ANGEL1: variants seen among roughly 807,000 people sequenced by gnomAD.
ANGEL1 encodes RNA 2',3'-cyclic phosphatase ANGEL1.
ANGEL1 carries 62 observed loss-of-function variants against 76.4 expected under a neutral mutation model. The ratio of observed to expected loss-of-function variants is 0.81; its 90% CI spans 0.66 to 1.00. The LOEUF (loss-of-function observed/expected upper bound fraction) is 1.00. Ranked by LOEUF, ANGEL1 falls within the 50% of genes least tolerant of loss-of-function variation. ANGEL1 has a pLI of 0.00. For missense variants in ANGEL1, 737 were observed against 836.7 expected (o/e 0.88, Z 1.47); for synonymous variants, 340 against 331.7 (o/e 1.03, Z -0.27).
chr14:76,801,674 T>TACAC (rs1894768972), intron 7 of ANGEL1, among the ~76,000 whole-genome samples: 1 of 152,174 alleles, frequency 6.6e-6, no homozygotes, highest in Non-Finnish European at 1.5e-5. Flanking sequence ...CCTTACCTTG[T>TACAC]TTTCCACAGT....
chr14:76,801,351 A>G (rs1894759451), intron 7 of ANGEL1, among the ~76,000 whole-genome samples: 1 of 151,968 alleles, frequency 6.6e-6, no homozygotes, highest in Non-Finnish European at 1.5e-5. Context: ...GGCTCAAGCA[A>G]TCCTTCTGCC....
At chr14:76,803,699 T>C in intron 6 of ANGEL1, 87 bp downstream of exon 6, 1 of 1,517,428 alleles carries the variant, frequency 6.6e-7, no homozygotes, top group Non-Finnish European at 8.8e-7. Context: ...AAATGAGGGA[T>C]TACACTTTTT....
chr14:76,789,886 C>A (rs372702058), intron 9 of ANGEL1, among the ~76,000 whole-genome samples: 22 of 126,568 alleles, frequency 1.7e-4, no homozygotes, highest in African/African-American at 5.4e-4. Flanking sequence ...TTTTTTAAGA[C>A]GGAGTTTTAC....
At chr14:76,796,926 C>CCACA (rs59003912) in intron 7 of ANGEL1, among the ~76,000 whole-genome samples, 11 of 150,852 alleles carry the variant, frequency 7.3e-5, no homozygotes, top group African/African-American at 7.3e-5. Flanking sequence ...TTACAATATG[C>CCACA]CACACACACA....
chr14:76,803,746 C>T, intron 6 of ANGEL1, 40 bp downstream of exon 6: 1 of 1,568,578 alleles, frequency 6.4e-7, no homozygotes, highest in African/African-American at 1.4e-5. Flanking sequence ...CCAAAATGGG[C>T]ATGAAGACAC....
At position 76,789,393 on chromosome 14, in the gene ANGEL1, G is replaced by C; in HGVS notation, c.1853-5C>G. ...CATCTCGATACAGCCTGTGATCTGGGGCACAAAGCAGAAGCCAATGGGTAA... is the reference window on the plus strand; with the variant it reads ...CATCTCGATACAGCCTGTGATCTGGCGCACAAAGCAGAAGCCAATGGGTAA... On this transcript the variant is annotated splice_region_variant and splice_polypyrimidine_tract_variant and intron_variant, in intron 9 of 9. Coordinates refer to ENST00000251089, the MANE Select transcript of ANGEL1 (RefSeq NM_015305.4). The C allele has an allele frequency of 1.2e-6, 2 of 1,614,074 alleles. No individual in the cohort carries two copies. Among genetic ancestry groups the C allele is most frequent in the South Asian group, 2.2e-5 (2 of 91,066 alleles).
intron 2 of ANGEL1, among the ~76,000 whole-genome samples, chr14:76,808,774 G>A (rs1374920502): frequency 6.6e-6 from 1 of 152,146 alleles, no homozygotes; most frequent in Non-Finnish European, 1.5e-5. Flanking sequence ...AAATGACATT[G>A]TGGAGAATCA....
chr14:76,804,190 T>G, intron 5 of ANGEL1: 1 of 1,410,138 alleles, frequency 7.1e-7, no homozygotes, highest in Non-Finnish European at 9.2e-7. Context: ...GTTCCCTAAA[T>G]TTTACCTCTG....
At position 76,791,225 on chromosome 14, in the gene ANGEL1, A is replaced by T; in HGVS notation, c.1688+72T>A. 3.3e-6 allele frequency: 5 copies of T among 1,533,450 alleles called. No homozygotes were observed. The South Asian group carries it at 5.7e-5, about 17-fold the overall frequency. 95.0% of individuals were successfully genotyped at this position (1,533,450 alleles called of 1,614,324 possible). A position where few individuals can be genotyped will look rare whatever the true frequency, so the allele number is the denominator to read the frequency against. ...GCTCCCCCAAGTCAACCTCAGGACA[A>T]CCAATGGGAATCTCTCTCTTACACC... is the stretch of plus-strand genomic sequence containing the variant. On this transcript the variant is annotated intron_variant, in intron 8 of 9. Coordinates refer to ENST00000251089, the MANE Select transcript of ANGEL1 (RefSeq NM_015305.4).
At position 76,806,686 on chromosome 14, in the gene ANGEL1, C is replaced by G. The variant is rs764067199; in HGVS notation, c.1110G>C (p.Leu370=). The G allele has an allele frequency of 6.2e-7, 1 of 1,613,638 alleles. No individual in the cohort carries two copies. Among genetic ancestry groups the G allele is most frequent in the South Asian group, 1.1e-5 (1 of 91,064 alleles). ...CCAGGCCTTCTGGGACGAGTGGTTG[C>G]AGTAGCAACACTAAGCCCACATTAT... is the stretch of plus-strand genomic sequence containing the variant. The part of the protein sequence containing the change: ...NRDNVGLVLL[L]QPLVPEGLGQ... The change falls in exon 5 of 10, where the codon CTG becomes CTC. Residue 370 remains leucine, a synonymous_variant. Coordinates refer to ENST00000251089, the MANE Select transcript of ANGEL1 (RefSeq NM_015305.4).
At chr14:76,810,389 G>A (rs747348727) in intron 1 of ANGEL1, 13 of 200,022 alleles carry the variant, frequency 6.5e-5, no homozygotes, top group Non-Finnish European at 1.1e-4. Context: ...CTGCACTCCC[G>A]CCTGGGAGAC....
intron 7 of ANGEL1, among the ~76,000 whole-genome samples, chr14:76,799,258 T>C (rs1167700984): frequency 6.7e-6 from 1 of 148,720 alleles, no homozygotes; most frequent in Non-Finnish European, 1.5e-5. Context: ...AAGATCTCGT[T>C]GTACTCCATT....
intron 7 of ANGEL1, among the ~76,000 whole-genome samples, chr14:76,802,856 T>A (rs527525556): frequency 1.4e-4 from 21 of 152,362 alleles, no homozygotes; most frequent in African/African-American, 4.3e-4. Context: ...GTGTCAGATA[T>A]CTTCAAATTT....
chr14:76,812,817 G>T lies in ANGEL1; in HGVS notation c.11C>A (p.Ser4Ter), dbSNP rs760919674. 19 of 1,516,696 alleles carry T rather than the reference G, an allele frequency of 1.3e-5. No homozygotes were observed. Among genetic ancestry groups the T allele is most frequent in the African/African-American group, 2.9e-5 (2 of 69,998 alleles). The allele number at this position is 1,516,696 out of a possible 1,614,324, so 94.0% of individuals were successfully genotyped here. A position where few individuals can be genotyped will look rare whatever the true frequency, so the allele number is the denominator to read the frequency against. ...CGGCAGCAGCAGGTAACACAAGCACGACGCGATCATGGCCGGCCGCCCGCG... is the reference window on the plus strand; with the variant it reads ...CGGCAGCAGCAGGTAACACAAGCACTACGCGATCATGGCCGGCCGCCCGCG... MIA[S>*]CLCYLLLPAT... The change falls in exon 1 of 10, where the codon TCG becomes TAG. Residue 4 changes from serine (S) to a stop codon, truncating the protein, a stop_gained. Coordinates refer to ENST00000251089, the MANE Select transcript of ANGEL1 (RefSeq NM_015305.4). LOFTEE classifies it high-confidence loss of function.
chr14:76,799,883 G>A (rs1271041626), intron 7 of ANGEL1, among the ~76,000 whole-genome samples: 1 of 150,226 alleles, frequency 6.7e-6, no homozygotes, highest in Middle Eastern at 3.2e-3. Context: ...TCCAGCCTGG[G>A]TGAAACAGTG....
At chr14:76,794,966 T>A (rs1566696625) in intron 7 of ANGEL1, among the ~76,000 whole-genome samples, 1 of 152,162 alleles carries the variant, frequency 6.6e-6, no homozygotes. Flanking sequence ...TTTCCATTTT[T>A]ATCCTTCTAT....
In ANGEL1 at chr14:76,812,845, C is replaced by A; in HGVS notation, c.-18G>T. The A allele has an allele frequency of 6.6e-7, 1 of 1,503,928 alleles. No homozygotes were observed. 93.2% of individuals were successfully genotyped at this position (1,503,928 alleles called of 1,614,324 possible). On this transcript the variant is annotated 5_prime_UTR_variant, in exon 1 of 10. Coordinates refer to ENST00000251089, the MANE Select transcript of ANGEL1 (RefSeq NM_015305.4). ...GCGATCATGGCCGGCCGCCCGCGCCCGCCTCCGCTCCTCACTGCAGCCAGC... is the reference window on the plus strand; with the variant it reads ...GCGATCATGGCCGGCCGCCCGCGCCAGCCTCCGCTCCTCACTGCAGCCAGC...
intron 8 of ANGEL1, 91 bp downstream of exon 8, chr14:76,791,206 C>T (rs1894395720): frequency 7.1e-7 from 1 of 1,407,830 alleles, no homozygotes; most frequent in Non-Finnish European, 1.0e-6. Context: ...AAGTGCTCCC[C>T]CAAGTCAACC....
intron 2 of ANGEL1, among the ~76,000 whole-genome samples, chr14:76,808,596 T>C (rs1367735156): frequency 6.6e-6 from 1 of 152,192 alleles, no homozygotes; most frequent in East Asian, 1.9e-4. Context: ...CCCTATGGCA[T>C]GTGGCAGCAT....
Sources: gnomAD v4.1 joint callset for allele counts (sites outside exome capture counted in the v4.1 genomes callset) on GRCh38, gnomAD v4.1.1 for gene constraint, MANE v1.5 for transcripts, NCBI Gene and HGNC (gene_info 2026-07-23, HGNC 2026-07-21) for gene names.